Variants in ELFN1 observed in about 807,000 individuals in gnomAD.
ELFN1 encodes the protein protein ELFN1.
In ELFN1, 6 loss-of-function variants were observed where a neutral mutation model predicts 7.6. The ratio of observed to expected loss-of-function variants is 0.79; its 90% CI spans 0.43 to 1.56. The LOEUF (loss-of-function observed/expected upper bound fraction) is 1.56, where lower values mean the gene tolerates loss of function less well. Among genes scored for constraint, ELFN1 ranks in the 40% most tolerant of loss-of-function variants. The pLI is 0.01. For missense variants in ELFN1, 1,169 were observed against 1,232.2 expected, an observed-to-expected ratio of 0.95 and a Z score of 0.77; for synonymous variants, 657 against 588.1, an observed-to-expected ratio of 1.12 and a Z score of -1.70.
intron 3 of ELFN1, among the ~76,000 whole-genome samples, chr7:1,714,391 C>T (rs1015652138): frequency 2.6e-4 from 39 of 152,308 alleles, no homozygotes; most frequent in African/African-American, 9.4e-4. Flanking sequence ...CCGTTCACCA[C>T]CCCCCACACC....
Position 1,746,568 on chromosome 7 carries a change from G to C in ELFN1, c.1972G>C (p.Gly658Arg). 1 of 1,357,078 alleles carries C rather than the reference G, an allele frequency of 7.4e-7. No individual in the cohort carries two copies. The highest frequency in any genetic ancestry group is 9.4e-7 in the Non-Finnish European group (1 of 1,060,560). The allele number at this position is 1,357,078 out of a possible 1,614,324, so 84.1% of individuals were successfully genotyped here. A position where few individuals can be genotyped will look rare whatever the true frequency, so the allele number is the denominator to read the frequency against. The stretch of plus-strand genomic sequence containing the variant: ...CCGCGCCTTCCGAGCCGAGGCCGTC[G>C]GGGTGCACAAGGCCGCGGCCGCCGA... ...SPRAFRAEAV[G>R]VHKAAAAEAK... Residue 658 changes from glycine to arginine, a missense_variant, in exon 4 of 4, where the codon GGG becomes CGG. Transcript: ENST00000424383.
Position 1,746,964 on chromosome 7 carries a change from G to A in ELFN1, c.2368G>A (p.Glu790Lys), listed in dbSNP as rs1177292887. 2.6e-6 allele frequency: 4 copies of A among 1,554,512 alleles called. No homozygotes were observed. Among genetic ancestry groups the A allele is most frequent in the Non-Finnish European group, 2.6e-6 (3 of 1,149,624 alleles). Residue 790 changes from glutamate to lysine, a missense_variant, in exon 4 of 4, where the codon GAA (glutamate) becomes AAA (lysine). Physicochemically the swap from Glu to Lys is moderately conservative, Grantham distance 56 (BLOSUM62 1). Around this residue, in one of 2 missense-constraint regions of ELFN1, gnomAD observed 914 missense variants for 872.6 expected, o/e 1.05. Coordinates refer to ENST00000424383, the MANE Select transcript of ELFN1 (RefSeq NM_001128636.4). ...FRLSRRRHKE[E>K]EEFMAAGHAL... ...ACTGAGCCGCCGGCGGCACAAGGAGGAAGAGGAGTTCATGGCCGCGGGCCA... is the reference window on the plus strand; with the variant it reads ...ACTGAGCCGCCGGCGGCACAAGGAGAAAGAGGAGTTCATGGCCGCGGGCCA...
At chr7:1,738,320 G>C (rs940341699) in intron 3 of ELFN1, among the ~76,000 whole-genome samples, 1 of 152,206 alleles carries the variant, frequency 6.6e-6, no homozygotes, top group African/African-American at 2.4e-5. Context: ...GAGACCTGGC[G>C]GGGTATGGCC....
At chr7:1,686,832 A>G (rs1779069987) in intron 1 of ELFN1, among the ~76,000 whole-genome samples, 1 of 151,990 alleles carries the variant, frequency 6.6e-6, no homozygotes, top group Non-Finnish European at 1.5e-5. Context: ...TGGAAGGCTT[A>G]TCAGGTATCT....
At chr7:1,717,149 C>T (rs1331622320) in intron 3 of ELFN1, among the ~76,000 whole-genome samples, 3 of 152,124 alleles carry the variant, frequency 2.0e-5, no homozygotes, top group Non-Finnish European at 2.9e-5. Context: ...TCAGTGGTGC[C>T]GCCGCACGCA....
At chr7:1,701,079 G>A (rs574805056) in intron 2 of ELFN1, among the ~76,000 whole-genome samples, 35 of 150,158 alleles carry the variant, frequency 2.3e-4, no homozygotes, top group African/African-American at 7.5e-4. Context: ...GTATGTGTGC[G>A]TGTGTGTGTG....
intron 2 of ELFN1, among the ~76,000 whole-genome samples, chr7:1,707,081 AT>A (rs987214497): frequency 1.3e-5 from 2 of 152,210 alleles, no homozygotes; most frequent in African/African-American, 4.8e-5. Flanking sequence ...TGCGACGGTA[AT>A]GGAGAGTGAA....
chr7:1,669,029 A>T (rs1339869121), upstream of ELFN1, among the ~76,000 whole-genome samples: 1 of 152,196 alleles, frequency 6.6e-6, no homozygotes, highest in Non-Finnish European at 1.5e-5. Flanking sequence ...AATTCGGGCC[A>T]GTGCTGGGGG....
At position 1,746,224 on chromosome 7, in the gene ELFN1, G is replaced by A. The variant is rs770244441; in HGVS notation, c.1628G>A (p.Arg543Gln). 41 of 1,560,038 alleles carry A rather than the reference G, an allele frequency of 2.6e-5. No individual in the cohort carries two copies. Among genetic ancestry groups the A allele is most frequent in the Middle Eastern group, 1.7e-4 (1 of 6,024 alleles). Residue 543 changes from arginine (R) to glutamine (Q), a missense_variant, in exon 4 of 4, where the codon CGG (arginine) becomes CAG (glutamine). By Grantham distance (43) the Arg-to-Gln change is conservative (BLOSUM62 1). Transcript: ENST00000424383. ...PPERRDCELG[R>Q]PGPDSQSSVA... is the part of the protein sequence containing the mutation. ...GAACGCAGGGACTGTGAGCTGGGCC[G>A]GCCGGGCCCCGACAGCCAGAGTTCG... is the stretch of plus-strand genomic sequence containing the variant.
intron 3 of ELFN1, among the ~76,000 whole-genome samples, chr7:1,709,583 A>G (rs1350356869): frequency 6.6e-6 from 1 of 152,254 alleles, no homozygotes; most frequent in East Asian, 1.9e-4. Flanking sequence ...ATCAGCCCTG[A>G]GGATTAGAGG....
Position 1,746,253 on chromosome 7 carries a change from G to T in ELFN1, c.1657G>T (p.Ala553Ser). Residue 553 changes from alanine to serine, a missense_variant, in exon 4 of 4, where the codon GCC becomes TCC. Physicochemically the swap from Ala to Ser is moderately conservative, Grantham distance 99. This residue lies in a region of ELFN1 where 914 missense variants were observed against 872.6 expected (regional missense o/e 1.05). Coordinates refer to ENST00000424383, the MANE Select transcript of ELFN1 (RefSeq NM_001128636.4). ...GGGCCCCGACAGCCAGAGTTCGGTG[G>T]CCGAGATCTCCACCATCGCCAAGGA... The part of the protein sequence containing the change: ...RPGPDSQSSV[A>S]EISTIAKEVD... 2.1e-6 allele frequency: 3 copies of T among 1,427,756 alleles called. No homozygotes were observed. The highest frequency in any genetic ancestry group is 1.8e-6 in the Non-Finnish European group (2 of 1,083,178). 88.4% of individuals were successfully genotyped at this position (1,427,756 alleles called of 1,614,324 possible). A position where few individuals can be genotyped will look rare whatever the true frequency, so the allele number is the denominator to read the frequency against.
intron 2 of ELFN1, 142 bp from the exon 3 acceptor site, chr7:1,708,949 C>T (rs1267023522): frequency 6.6e-6 from 1 of 152,202 alleles, no homozygotes; most frequent in African/African-American, 2.4e-5. Flanking sequence ...CTGATTTGTT[C>T]TTGAGGTGTG....
At chr7:1,728,680 C>A (rs547559846) in intron 3 of ELFN1, among the ~76,000 whole-genome samples, 4 of 152,230 alleles carry the variant, frequency 2.6e-5, no homozygotes, top group Admixed American at 2.6e-4. Flanking sequence ...CACGTTCCCC[C>A]CTCCAGGAAC....
At chr7:1,736,789 C>T (rs969340777) in intron 3 of ELFN1, among the ~76,000 whole-genome samples, 5 of 152,200 alleles carry the variant, frequency 3.3e-5, no homozygotes, top group African/African-American at 1.2e-4. Flanking sequence ...GACTCTGGCT[C>T]TGGCCCGGAT....
rs1779271208 is a variant in ELFN1 at position 1,695,056 on chromosome 7, C to T, written c.-456+6906C>T. Among the ~76,000 whole-genome samples the T allele has an allele frequency of 6.6e-6, 1 of 152,184 alleles. No homozygotes were observed. Among genetic ancestry groups the T allele is most frequent in the African/African-American group, 2.4e-5 (1 of 41,450 alleles). On this transcript the variant is annotated intron_variant, in intron 2 of 3. Transcript: ENST00000424383. This position sits in a 1 kb window ranked among gnomAD's most constrained non-coding sequence, Gnocchi z 5.1. ...CGTGCACATGTGCCCATCCCCCTCA[C>T]TTTGAGTTACGCTGCAGACGGCTCC... is the stretch of plus-strand genomic sequence containing the variant.
In ELFN1 at chr7:1,708,709, C is replaced by G. The variant is rs181285494; in HGVS notation, c.-455-382C>G. On this transcript the variant is annotated intron_variant, in intron 2 of 3. Coordinates refer to ENST00000424383, the MANE Select transcript of ELFN1 (RefSeq NM_001128636.4). ...CCCACGGACCCAACAGCCCCAGAGG[C>G]TCTGGGGCTGTAGCCCCAGAAGTGA... Among the ~76,000 whole-genome samples the G allele has an allele frequency of 6.2e-3, 944 of 151,310 alleles. 13 individuals carry two copies. The highest frequency in any genetic ancestry group is 0.023 in the South Asian group (109 of 4,820).
rs1243473849 is a variant in ELFN1 at position 1,745,652 on chromosome 7, G to A, written c.1056G>A (p.Lys352=). Residue 352 remains lysine, a synonymous_variant, in exon 4 of 4, where the codon AAG becomes AAA. Coordinates refer to ENST00000424383, the MANE Select transcript of ELFN1 (RefSeq NM_001128636.4). ...MYTLEHFNNS[K]ASTVSRLTKA... ...CCCTGGAGCATTTCAACAACAGCAA[G>A]GCCTCCACCGTGTCCAGGCTGACCA... 1 of 1,551,162 alleles carries A rather than the reference G, an allele frequency of 6.4e-7. No individual in the cohort carries two copies. The highest frequency in any genetic ancestry group is 8.7e-7 in the Non-Finnish European group (1 of 1,147,012).
Position 1,670,923 on chromosome 7 carries a change from C to G in ELFN1, c.-549+569C>G, listed in dbSNP as rs1340519934. Among the ~76,000 whole-genome samples the G allele has an allele frequency of 2.0e-5, 3 of 152,012 alleles. No individual in the cohort carries two copies. Among genetic ancestry groups the G allele is most frequent in the Middle Eastern group, 3.2e-3 (1 of 316 alleles). ...CTCGGTCCCAGCCCCTGAGTCCAAC[C>G]ACTGGCGGGGGGGTGGGGTGGGGGG... is the stretch of plus-strand genomic sequence containing the variant. On this transcript the variant is annotated intron_variant, in intron 1 of 3. Transcript: ENST00000424383. The surrounding 1 kb of genome is among the most constrained non-coding windows in gnomAD (Gnocchi z 6.4).
At position 1,740,612 on chromosome 7, in the gene ELFN1, G is replaced by A. The variant is rs1031021934; in HGVS notation, c.-293-3692G>A. 2.0e-5 allele frequency among the ~76,000 whole-genome samples: 3 copies of A among 152,084 alleles called. No individual in the cohort carries two copies. The highest frequency in any genetic ancestry group is 2.1e-4 in the South Asian group (1 of 4,824). On this transcript the variant is annotated intron_variant, in intron 3 of 3. Coordinates refer to ENST00000424383, the MANE Select transcript of ELFN1 (RefSeq NM_001128636.4). This position sits in a 1 kb window ranked among gnomAD's most constrained non-coding sequence, Gnocchi z 5.0. ...TGTCCAGAACCTTCCTAGGTGATTC[G>A]GCCTTTCCCTGTTTCCTGTGCCAGG...
Sources: gnomAD v4.1 joint callset for allele counts (sites outside exome capture counted in the v4.1 genomes callset) on GRCh38, gnomAD v4.1.1 for gene constraint, gnomAD v4.1.1 regional missense constraint, Gnocchi (gnomAD v3.1) non-coding constraint, MANE v1.5 for transcripts, NCBI Gene and HGNC (gene_info 2026-07-23, HGNC 2026-07-21) for gene names.